The following ROPN1 variants were observed in gnomAD, a reference collection of about 807,000 sequenced individuals.
ROPN1 encodes the protein ropporin-1A.
A neutral mutation model predicts 20.5 loss-of-function variants in ROPN1; 14 were observed. The observed-to-expected ratio is 0.68, with a 90% CI of 0.45 to 1.07. The LOEUF (loss-of-function observed/expected upper bound fraction) is 1.07. ROPN1 is among the 50% of genes least tolerant of loss of function. The pLI is 0.00. For missense variants in ROPN1, 169 were observed against 242.8 expected, an observed-to-expected ratio of 0.70 and a Z score of 2.02; for synonymous variants, 76 against 95.7, an observed-to-expected ratio of 0.79 and a Z score of 1.20.
intron 4 of ROPN1, among the ~76,000 whole-genome samples, chr3:123,971,906 G>A (rs769818917): frequency 1.2e-4 from 18 of 152,132 alleles, no homozygotes; most frequent in Non-Finnish European, 2.2e-4. Context: ...ACATACGACC[G>A]TTAAAAAGAT....
At chr3:123,985,058 A>G (rs1211920801) in intron 1 of ROPN1, among the ~76,000 whole-genome samples, 1 of 152,246 alleles carries the variant, frequency 6.6e-6, no homozygotes, top group Non-Finnish European at 1.5e-5. Context: ...AGAATGGGCT[A>G]CAGGTGTGCC....
intron 4 of ROPN1, chr3:123,974,585 C>T (rs557781805): frequency 6.6e-6 from 1 of 152,434 alleles, no homozygotes; most frequent in South Asian, 2.1e-4. Context: ...CTGAATGATT[C>T]AGACTACCTT....
intron 5 of ROPN1, 99 bp downstream of exon 5, chr3:123,969,943 T>G: frequency 8.6e-7 from 1 of 1,159,594 alleles, no homozygotes; most frequent in Non-Finnish European, 1.2e-6. Flanking sequence ...AATACTTTTC[T>G]GTTTCCAGAG....
At chr3:123,990,602 G>A (rs1242283123) in intron 1 of ROPN1, among the ~76,000 whole-genome samples, 1 of 152,210 alleles carries the variant, frequency 6.6e-6, no homozygotes, top group Non-Finnish European at 1.5e-5. Flanking sequence ...CATCAAAGAA[G>A]TGGGAGAAAG....
At chr3:123,970,653 AGAG>A (rs2037898187) in intron 4 of ROPN1, among the ~76,000 whole-genome samples, 1 of 152,222 alleles carries the variant, frequency 6.6e-6, no homozygotes, top group Non-Finnish European at 1.5e-5. Context: ...ATGACACAGT[AGAG>A]GAGAAGAAGG....
chr3:123,980,206 G>A (rs2038108579), intron 2 of ROPN1, 160 bp downstream of exon 2: 1 of 679,238 alleles, frequency 1.5e-6, no homozygotes. Flanking sequence ...TAGCATTTAT[G>A]TGTGGATTTT....
At chr3:123,989,512 A>G (rs2038350360) in intron 1 of ROPN1, among the ~76,000 whole-genome samples, 1 of 152,204 alleles carries the variant, frequency 6.6e-6, no homozygotes, top group Non-Finnish European at 1.5e-5. Flanking sequence ...TGGAGGAGGA[A>G]GAGGTTTCTC....
intron 4 of ROPN1, among the ~76,000 whole-genome samples, chr3:123,974,015 G>A (rs1412089788): frequency 6.6e-6 from 1 of 152,188 alleles, no homozygotes; most frequent in Non-Finnish European, 1.5e-5. Flanking sequence ...GGAGAAGAGA[G>A]CGTGGTGAGG....
chr3:123,973,155 A>G (rs2037947184), intron 4 of ROPN1, among the ~76,000 whole-genome samples: 1 of 152,110 alleles, frequency 6.6e-6, no homozygotes, highest in Admixed American at 6.6e-5. Flanking sequence ...ATTTTGGGAG[A>G]ACACAAACAT....
intron 1 of ROPN1, among the ~76,000 whole-genome samples, chr3:123,981,748 A>C (rs2038154091): frequency 6.6e-6 from 1 of 152,240 alleles, no homozygotes; most frequent in African/African-American, 2.4e-5. Flanking sequence ...GTGGGACTTC[A>C]TGACCTTTTA....
chr3:123,976,779 A>G (rs1173025627), intron 3 of ROPN1, 85 bp downstream of exon 3: 44 of 1,334,574 alleles, frequency 3.3e-5, no homozygotes, highest in Non-Finnish European at 4.0e-5. Flanking sequence ...GCTGACTGTC[A>G]GGAGAACAGA....
At chr3:123,991,152 T>C (rs913080764) in intron 1 of ROPN1, 1 of 150,108 alleles carries the variant, frequency 6.7e-6, no homozygotes, top group African/African-American at 2.5e-5. Context: ...TCAGTTCCAT[T>C]GTACATACCC....
rs145239173 is a variant in ROPN1 at position 123,971,517 on chromosome 3, G to A, written c.397-1300C>T. On this transcript the variant is annotated intron_variant, in intron 4 of 5. Transcript: ENST00000405845. Reference sequence around the variant, plus strand: ...CCTTTCCTCTCCTCTGCCCCTGGGGGTCCTCTCATGGAAATTGTTGTGAAA... The same window carrying A: ...CCTTTCCTCTCCTCTGCCCCTGGGGATCCTCTCATGGAAATTGTTGTGAAA... Among the ~76,000 whole-genome samples, 67 of 152,238 alleles carry A rather than the reference G, an allele frequency of 4.4e-4. No individual in the cohort carries two copies. In the East Asian group the frequency reaches 9.3e-3, roughly 21 times the overall value.
intron 1 of ROPN1, among the ~76,000 whole-genome samples, chr3:123,987,281 G>A (rs542286360): frequency 4.6e-5 from 7 of 152,222 alleles, no homozygotes; most frequent in Admixed American, 6.5e-5. Context: ...TTCCCCCAGA[G>A]CTGTTGTGGT....
intron 4 of ROPN1, among the ~76,000 whole-genome samples, chr3:123,971,582 G>C (rs528023122): frequency 2.9e-4 from 44 of 152,264 alleles, no homozygotes; most frequent in African/African-American, 1.1e-3. Flanking sequence ...TTCAGAGCAG[G>C]TGGGAGGGCA....
At chr3:123,975,867 A>G (rs942164141) in intron 3 of ROPN1, 2 of 371,870 alleles carry the variant, frequency 5.4e-6, no homozygotes, top group African/African-American at 4.2e-5. Flanking sequence ...TATGACAGAT[A>G]GAAGAGCCTG....
At chr3:123,977,380 G>C (rs538131617) in intron 2 of ROPN1, among the ~76,000 whole-genome samples, 1 of 152,300 alleles carries the variant, frequency 6.6e-6, no homozygotes, top group East Asian at 1.9e-4. Context: ...AAAAAGTAAT[G>C]TACGTAAGAA....
chr3:123,987,799 T>C (rs569672978), intron 1 of ROPN1, among the ~76,000 whole-genome samples: 53 of 152,370 alleles, frequency 3.5e-4, no homozygotes, highest in African/African-American at 1.2e-3. Flanking sequence ...TTCCCAAACT[T>C]GCTTATATAT....
At chr3:123,973,462 G>A (rs764048346) in intron 4 of ROPN1, among the ~76,000 whole-genome samples, 4 of 152,102 alleles carry the variant, frequency 2.6e-5, no homozygotes, top group Non-Finnish European at 2.9e-5. Context: ...GGATGTCAGA[G>A]GTAGATGAAC....
Sources: gnomAD v4.1 joint callset for allele counts (sites outside exome capture counted in the v4.1 genomes callset) on GRCh38, gnomAD v4.1.1 for gene constraint, MANE v1.5 for transcripts, NCBI Gene and HGNC (gene_info 2026-07-23, HGNC 2026-07-21) for gene names.